Variants in SLCO1A2 observed in about 807,000 individuals in gnomAD.
The protein encoded by SLCO1A2 is OATP-1.
Under a neutral mutation model 69.0 loss-of-function variants are expected in SLCO1A2, and 67 were observed. The ratio of observed to expected loss-of-function variants is 0.97; its 90% CI spans 0.80 to 1.19. The LOEUF (loss-of-function observed/expected upper bound fraction) is 1.19. SLCO1A2 is among the 50% of genes most tolerant of loss of function. The pLI, the probability that SLCO1A2 is intolerant of heterozygous loss-of-function variation, is 0.00. For missense variants in SLCO1A2, 787 were observed against 793.7 expected (o/e 0.99, Z 0.10); for synonymous variants, 260 against 265.9 (o/e 0.98, Z 0.22).
At chr12:21,280,907 A>ATTAT (rs1445676852) in intron 12 of SLCO1A2, among the ~76,000 whole-genome samples, 2 of 152,156 alleles carry the variant, frequency 1.3e-5, no homozygotes, top group Non-Finnish European at 2.9e-5. Context: ...TCTGACCATA[A>ATTAT]GGAAATAAAA....
At chr12:21,393,918 T>G (rs1941288413) in intron 1 of SLCO1A2, among the ~76,000 whole-genome samples, 1 of 152,196 alleles carries the variant, frequency 6.6e-6, no homozygotes, top group African/African-American at 2.4e-5. Context: ...GACATTACTG[T>G]AGTAAAATGC....
chr12:21,276,158 G>A (rs1943792495), intron 12 of SLCO1A2, among the ~76,000 whole-genome samples: 1 of 151,958 alleles, frequency 6.6e-6, no homozygotes, highest in Admixed American at 6.6e-5. Context: ...GAAGTGAAAA[G>A]ACAAAACTTG....
chr12:21,303,987 T>G (rs1949041002), intron 6 of SLCO1A2, among the ~76,000 whole-genome samples: 1 of 152,116 alleles, frequency 6.6e-6, no homozygotes. Context: ...GCAAGAATGT[T>G]TCTTAAAAAC....
chr12:21,268,884 A>G lies in SLCO1A2; in HGVS notation c.*664T>C, dbSNP rs1942342068. The G allele has an allele frequency of 6.6e-6, 1 of 152,196 alleles. No individual in the cohort carries two copies. Among genetic ancestry groups the G allele is most frequent in the East Asian group, 1.9e-4 (1 of 5,192 alleles). The allele number at this position is 152,196 out of a possible 1,614,324, so 9.4% of individuals were successfully genotyped here. Reference sequence around the variant, plus strand: ...ATTTGAATTACTGAAAAAAAATCCAACAATCTTTGCCTCATGATGTTTAAT... The same window carrying G: ...ATTTGAATTACTGAAAAAAAATCCAGCAATCTTTGCCTCATGATGTTTAAT... On this transcript the variant is annotated 3_prime_UTR_variant, in exon 15 of 15. Transcript: ENST00000683939.
chr12:21,269,758 G>A lies in SLCO1A2; in HGVS notation c.1803C>T (p.Tyr601=), dbSNP rs1405683117. ...CTCTTAGTGCTGCCGGCAATCCGAG[G>A]TAGATGTATCTATTTTTTTAAAAGT... is the stretch of plus-strand genomic sequence containing the variant. ...IYDSTTFRYI[Y]LGLPAALRGS... is the part of the protein sequence containing the mutation. The change falls in exon 15 of 15, where the codon TAC becomes TAT. Residue 601 remains tyrosine, a synonymous_variant. Transcript: ENST00000683939. 6.2e-7 allele frequency: 1 copy of A among 1,606,260 alleles called. No homozygotes were observed. The highest frequency in any genetic ancestry group is 1.1e-5 in the South Asian group (1 of 89,692).
chr12:21,280,881 A>C (rs1944674562), intron 12 of SLCO1A2, among the ~76,000 whole-genome samples: 1 of 152,142 alleles, frequency 6.6e-6, no homozygotes, highest in Non-Finnish European at 1.5e-5. Flanking sequence ...AAATTGAAAT[A>C]ATATCAAGTA....
chr12:21,276,353 C>G (rs1943820951), intron 12 of SLCO1A2, among the ~76,000 whole-genome samples: 1 of 150,992 alleles, frequency 6.6e-6, no homozygotes, highest in South Asian at 2.1e-4. Flanking sequence ...ATACCTATCT[C>G]TACTTATGCG....
At chr12:21,352,200 A>G (rs1304934427) in intron 2 of SLCO1A2, among the ~76,000 whole-genome samples, 1 of 152,152 alleles carries the variant, frequency 6.6e-6, no homozygotes, top group African/African-American at 2.4e-5. Context: ...GCATTTCACT[A>G]CAGACCAACA....
chr12:21,370,304 C>T (rs1287370422), intron 2 of SLCO1A2, among the ~76,000 whole-genome samples: 1 of 151,576 alleles, frequency 6.6e-6, no homozygotes, highest in African/African-American at 2.4e-5. Flanking sequence ...ATATGATAGT[C>T]CTTATAAAAT....
chr12:21,347,096 T>C (rs144113176), intron 2 of SLCO1A2, among the ~76,000 whole-genome samples: 2 of 152,204 alleles, frequency 1.3e-5, no homozygotes, highest in African/African-American at 4.8e-5. Context: ...AAGAAACTTA[T>C]TGTTTAAAGT....
At chr12:21,357,963 G>A (rs1015334720) in intron 2 of SLCO1A2, among the ~76,000 whole-genome samples, 1 of 152,160 alleles carries the variant, frequency 6.6e-6, no homozygotes. Context: ...CTAAGTGAGA[G>A]GGCACTGCTC....
chr12:21,341,582 G>A (rs897764250), intron 2 of SLCO1A2, among the ~76,000 whole-genome samples: 2 of 151,876 alleles, frequency 1.3e-5, no homozygotes, highest in Non-Finnish European at 2.9e-5. Flanking sequence ...CAATTTTTCT[G>A]CCTTTTTTTA....
intron 8 of SLCO1A2, among the ~76,000 whole-genome samples, chr12:21,299,981 TATATATGTGTGTAG>T (rs1355412038): frequency 6.8e-6 from 1 of 147,270 alleles, no homozygotes; most frequent in Non-Finnish European, 1.5e-5. Flanking sequence ...TATATATGTG[TATATATGTGTGTAG>T]ATATATGTGT....
intron 13 of SLCO1A2, 120 bp downstream of exon 13, chr12:21,275,240 T>G (rs1160508498): frequency 5.4e-6 from 5 of 925,794 alleles, no homozygotes; most frequent in Non-Finnish European, 7.6e-6. Context: ...ACATGGCACA[T>G]GTATACATAT....
chr12:21,417,980 G>C (rs1942014193), exon 1 of SLCO1A2: 1 of 152,002 alleles, frequency 6.6e-6, no homozygotes, highest in Non-Finnish European at 1.5e-5. Flanking sequence ...ACACACCATG[G>C]GTCTCTATTG....
chr12:21,418,330 T>A (rs1246956742), upstream of SLCO1A2, among the ~76,000 whole-genome samples: 1 of 152,076 alleles, frequency 6.6e-6, no homozygotes, highest in Non-Finnish European at 1.5e-5. Context: ...GAGAAGTAAA[T>A]AACAAACAGA....
At chr12:21,274,633 C>A in intron 13 of SLCO1A2, 47 bp from the exon 14 acceptor site, 2 of 1,197,454 alleles carry the variant, frequency 1.7e-6, no homozygotes, top group Non-Finnish European at 2.5e-6. Context: ...AATTAAGATA[C>A]TTGATTTATT....
chr12:21,285,803 C>T (rs1475788871), intron 12 of SLCO1A2, among the ~76,000 whole-genome samples: 2 of 151,992 alleles, frequency 1.3e-5, no homozygotes, highest in Non-Finnish European at 2.9e-5. Flanking sequence ...TGACAAAATG[C>T]ACCAATCCTT....
intron 2 of SLCO1A2, chr12:21,373,872 TAAA>T (rs915974955): frequency 2.6e-5 from 13 of 495,574 alleles, no homozygotes; most frequent in Non-Finnish European, 4.3e-5. Context: ...CTGGAAATGT[TAAA>T]AACTTTTACA....
Sources: gnomAD v4.1 joint callset for allele counts (sites outside exome capture counted in the v4.1 genomes callset) on GRCh38, gnomAD v4.1.1 for gene constraint, MANE v1.5 for transcripts, NCBI Gene and HGNC (gene_info 2026-07-23, HGNC 2026-07-21) for gene names.